Variants in ADGRL3 observed in about 807,000 individuals in gnomAD.
ADGRL3 encodes calcium-independent alpha-latrotoxin receptor 3.
A neutral mutation model predicts 153.5 loss-of-function variants in ADGRL3; 62 were observed. That is an observed-to-expected ratio of 0.40 (90% confidence interval 0.33 to 0.50). ADGRL3 has a LOEUF of 0.50. ADGRL3 is among the 20% of genes least tolerant of loss of function. The probability of loss-of-function intolerance (pLI) is 0.47; values close to 1 mark genes in which losing one functional copy is unlikely to be tolerated. For synonymous variants in ADGRL3, 710 were observed against 672.5 expected, an observed-to-expected ratio of 1.06 and a Z score of -0.86; for missense variants, 1,641 against 1,859.4, an observed-to-expected ratio of 0.88 and a Z score of 2.16.
At chr4:61,273,763 C>G (rs2149832845) in intron 1 of ADGRL3, among the ~76,000 whole-genome samples, 2 of 152,256 alleles carry the variant, frequency 1.3e-5, no homozygotes, top group Middle Eastern at 6.8e-3. Context: ...CTGTTAACTA[C>G]TACTTCCCCG....
chr4:61,686,879 A>G (rs753900172), intron 6 of ADGRL3, among the ~76,000 whole-genome samples: 1 of 152,020 alleles, frequency 6.6e-6, no homozygotes, highest in Admixed American at 6.6e-5. Context: ...GATTCCACAT[A>G]TGAATGAGAT....
At chr4:61,550,625 G>A (rs112346016) in intron 4 of ADGRL3, among the ~76,000 whole-genome samples, 1 of 149,900 alleles carries the variant, frequency 6.7e-6, no homozygotes, top group Non-Finnish European at 1.5e-5. Flanking sequence ...GTAGTCAAGC[G>A]AGGATAGCAA....
At chr4:61,502,964 A>C (rs2098402052) in intron 3 of ADGRL3, among the ~76,000 whole-genome samples, 1 of 152,206 alleles carries the variant, frequency 6.6e-6, no homozygotes, top group South Asian at 2.1e-4. Flanking sequence ...GTTTATAGTC[A>C]AATACATTAT....
chr4:61,459,045 T>C (rs2097782672), intron 2 of ADGRL3, among the ~76,000 whole-genome samples: 1 of 151,520 alleles, frequency 6.6e-6, no homozygotes, highest in African/African-American at 2.4e-5. Flanking sequence ...CCCCAACATT[T>C]AAGGAAAAGA....
chr4:61,815,362 A>G (rs2148644445), intron 9 of ADGRL3, among the ~76,000 whole-genome samples: 1 of 152,340 alleles, frequency 6.6e-6, no homozygotes, highest in South Asian at 2.1e-4. Flanking sequence ...ACATCATAAC[A>G]TTATCAGTTC....
chr4:61,629,925 C>T (rs2093058266), intron 5 of ADGRL3, among the ~76,000 whole-genome samples: 1 of 151,946 alleles, frequency 6.6e-6, no homozygotes, highest in Non-Finnish European at 1.5e-5. Context: ...GATTTCCCAT[C>T]AATTACTATG....
intron 17 of ADGRL3, among the ~76,000 whole-genome samples, chr4:61,962,618 A>T (rs1217906314): frequency 1.3e-5 from 2 of 152,102 alleles, no homozygotes; most frequent in Non-Finnish European, 2.9e-5. Flanking sequence ...TGGGTAAAAC[A>T]TTTTTGTCAA....
chr4:61,597,907 ATCT>A (rs1180941686), intron 5 of ADGRL3, among the ~76,000 whole-genome samples: 1 of 152,096 alleles, frequency 6.6e-6, no homozygotes, highest in African/African-American at 2.4e-5. Context: ...ATCAGTTAAA[ATCT>A]TCTGGACAGT....
At chr4:61,360,020 G>C (rs2096259192) in intron 1 of ADGRL3, among the ~76,000 whole-genome samples, 1 of 152,002 alleles carries the variant, frequency 6.6e-6, no homozygotes, top group Non-Finnish European at 1.5e-5. Flanking sequence ...CATCTCAATT[G>C]CATTTCTATG....
In ADGRL3 at chr4:61,425,720, G is replaced by A. The variant is rs111830915; in HGVS notation, c.-174+42531G>A. On this transcript the variant is annotated intron_variant, in intron 2 of 26. Coordinates refer to ENST00000683033, the MANE Select transcript of ADGRL3 (RefSeq NM_001387552.1). ...ACAGATGGTACAGATGTCCCACAGA[G>A]GAGGGTTCCTTCCCTGGCCATTCCC... is the stretch of plus-strand genomic sequence containing the variant. Among the ~76,000 whole-genome samples the A allele has an allele frequency of 8.1e-3, 1,232 of 152,286 alleles. 23 individuals are homozygous for A. Among genetic ancestry groups the A allele is most frequent in the African/African-American group, 0.028 (1,174 of 41,564 alleles).
At chr4:61,473,161 G>A (rs1170154196) in intron 2 of ADGRL3, among the ~76,000 whole-genome samples, 8 of 151,782 alleles carry the variant, frequency 5.3e-5, no homozygotes, top group Admixed American at 4.6e-4. Context: ...TGGTTGATAA[G>A]GTGAGAATTT....
intron 2 of ADGRL3, among the ~76,000 whole-genome samples, chr4:61,419,842 T>A (rs1173150008): frequency 6.6e-6 from 1 of 151,960 alleles, no homozygotes; most frequent in East Asian, 1.9e-4. Context: ...TCACCTAGGC[T>A]GGACAGCAAT....
intron 2 of ADGRL3, among the ~76,000 whole-genome samples, chr4:61,415,179 T>C (rs2097132085): frequency 6.6e-6 from 1 of 151,956 alleles, no homozygotes; most frequent in Non-Finnish European, 1.5e-5. Flanking sequence ...TTGGCCTATT[T>C]CTATTATAAT....
At chr4:61,573,672 C>G (rs1310386918) in intron 4 of ADGRL3, among the ~76,000 whole-genome samples, 3 of 151,816 alleles carry the variant, frequency 2.0e-5, no homozygotes, top group African/African-American at 7.2e-5. Flanking sequence ...TTTTGTGTGT[C>G]TTTGGAGCAT....
At chr4:61,462,659 T>G (rs2097836973) in intron 2 of ADGRL3, among the ~76,000 whole-genome samples, 2 of 152,144 alleles carry the variant, frequency 1.3e-5, no homozygotes, top group Admixed American at 1.3e-4. Flanking sequence ...GCTGAGTATT[T>G]TAGGCAAATA....
intron 8 of ADGRL3, among the ~76,000 whole-genome samples, chr4:61,749,290 A>T (rs537848313): frequency 6.6e-6 from 1 of 151,936 alleles, no homozygotes; most frequent in East Asian, 1.9e-4. Flanking sequence ...ACCATCGTGG[A>T]AGTCAGTGTG....
chr4:61,743,432 T>G (rs1008536174), intron 8 of ADGRL3, among the ~76,000 whole-genome samples: 4 of 152,060 alleles, frequency 2.6e-5, no homozygotes, highest in Admixed American at 2.6e-4. Context: ...ATCTGAAAAT[T>G]ATCTCTAATG....
chr4:61,665,308 G>A (rs2094751159), intron 5 of ADGRL3, among the ~76,000 whole-genome samples: 1 of 152,164 alleles, frequency 6.6e-6, no homozygotes, highest in African/African-American at 2.4e-5. Context: ...CTACTCTGGA[G>A]GCTGAGGCAA....
At chr4:61,226,278 A>G (rs1351187135) in intron 1 of ADGRL3, among the ~76,000 whole-genome samples, 1 of 152,174 alleles carries the variant, frequency 6.6e-6, no homozygotes. Flanking sequence ...GGCTGTGATT[A>G]ATGACTACTT....
Sources: gnomAD v4.1 joint callset for allele counts (sites outside exome capture counted in the v4.1 genomes callset) on GRCh38, gnomAD v4.1.1 for gene constraint, MANE v1.5 for transcripts, NCBI Gene and HGNC (gene_info 2026-07-23, HGNC 2026-07-21) for gene names.